KAT8: variants seen among roughly 807,000 people sequenced by gnomAD.
The protein encoded by KAT8 is lysine acetyltransferase 8, also known as histone acetyltransferase KAT8.
KAT8 carries 40 observed loss-of-function variants against 62.9 expected under a neutral mutation model. That is an observed-to-expected ratio of 0.64 (90% CI 0.49 to 0.83). The LOEUF (loss-of-function observed/expected upper bound fraction) is 0.83. Among genes scored for constraint, KAT8 ranks in the 40% least tolerant of loss-of-function variants. The pLI, the probability that KAT8 is intolerant of heterozygous loss-of-function variation, is 0.00. For synonymous variants in KAT8, 278 were observed against 254.5 expected, an observed-to-expected ratio of 1.09 and a Z score of -0.88; for missense variants, 387 against 614.8, an observed-to-expected ratio of 0.63 and a Z score of 3.92.
At position 31,128,135 on chromosome 16, in the gene KAT8, A is replaced by C. The variant is rs1302040869; in HGVS notation, c.767A>C (p.His256Pro). Residue 256 changes from histidine to proline, a missense_variant, in exon 6 of 11, where the codon CAT (histidine) becomes CCT (proline). Physicochemically the swap from His to Pro is moderately conservative, Grantham distance 77. Transcript: ENST00000219797. The stretch of plus-strand genomic sequence containing the variant: ...GTGTACGAAGTTGATGGCAAAGACC[A>C]TAAGGTGAGTGGGTGGCCAGGGGTT... Reference protein sequence around the residue: ...ISVYEVDGKDHKIYCQNLCLL... With the variant: ...ISVYEVDGKDPKIYCQNLCLL... The C allele has an allele frequency of 6.2e-7, 1 of 1,613,594 alleles. No individual in the cohort carries two copies. Among genetic ancestry groups the C allele is most frequent in the Non-Finnish European group, 8.5e-7 (1 of 1,179,642 alleles).
At chr16:31,117,942 G>A in intron 1 of KAT8, 50 bp downstream of exon 1, 1 of 1,248,666 alleles carries the variant, frequency 8.0e-7, no homozygotes, top group Non-Finnish European at 1.0e-6. Context: ...AGGGCCAGGG[G>A]GTGGGGCGGG....
Position 31,128,115 on chromosome 16 carries a change from C to G in KAT8, c.747C>G (p.Tyr249Ter), listed in dbSNP as rs1474951662. The change falls in exon 6 of 11, where the codon TAC becomes TAG. Residue 249 changes from tyrosine to a stop codon, truncating the protein, a stop_gained. Transcript: ENST00000219797. LOFTEE classifies it high-confidence loss of function. The part of the protein sequence containing the change: ...EIYRKSNISV[Y>*]EVDGKDHKIY... ...ACCGCAAGAGCAACATCTCCGTGTA[C>G]GAAGTTGATGGCAAAGACCATAAGG... The G allele has an allele frequency of 6.2e-7, 1 of 1,613,958 alleles. No individual in the cohort carries two copies. The highest frequency in any genetic ancestry group is 8.5e-7 in the Non-Finnish European group (1 of 1,179,946).
intron 1 of KAT8, 109 bp from the exon 2 acceptor site, chr16:31,120,077 G>GAGGTT: frequency 1.2e-6 from 1 of 833,158 alleles, no homozygotes; most frequent in Non-Finnish European, 2.1e-6. Context: ...GTGGACCAGT[G>GAGGTT]AGGTTAGCTG....
intron 3 of KAT8, chr16:31,123,534 TCTCA>T (rs1327756213): frequency 1.3e-5 from 2 of 151,428 alleles, no homozygotes; most frequent in East Asian, 3.9e-4. Flanking sequence ...TGAGACAGAG[TCTCA>T]CTCTGTCACC....
intron 3 of KAT8, among the ~76,000 whole-genome samples, chr16:31,124,756 A>G (rs1352680449): frequency 1.6e-5 from 2 of 121,278 alleles, no homozygotes; most frequent in African/African-American, 6.1e-5. Flanking sequence ...AAAAAAGGCT[A>G]TGGCTCATGC....
In KAT8 at chr16:31,127,267, G is replaced by A. The variant is rs750989107; in HGVS notation, c.595G>A (p.Glu199Lys). The change falls in exon 5 of 11, where the codon GAA becomes AAA. Residue 199 changes from glutamate (E) to lysine (K), a missense_variant. This residue lies in a region of KAT8 where 141 missense variants were observed against 222.5 expected (regional missense o/e 0.63). Coordinates refer to ENST00000219797, the MANE Select transcript of KAT8 (RefSeq NM_032188.3). ...TGCCTGGTATTTCTCACCATTCCCCGAAGACTATGGGAAACAGCCCAAGCT... is the reference window on the plus strand; with the variant it reads ...TGCCTGGTATTTCTCACCATTCCCCAAAGACTATGGGAAACAGCCCAAGCT... ...IDAWYFSPFP[E>K]DYGKQPKLWL... The A allele has an allele frequency of 5.0e-6, 8 of 1,614,052 alleles. No individual in the cohort carries two copies. Among genetic ancestry groups the A allele is most frequent in the Admixed American group, 1.7e-5 (1 of 60,004 alleles).
At chr16:31,129,886 C>A in intron 6 of KAT8, 131 bp from the exon 7 acceptor site, 1 of 989,262 alleles carries the variant, frequency 1.0e-6, no homozygotes, top group Middle Eastern at 3.1e-4. Flanking sequence ...TGACCGAAGA[C>A]TCCTTCCAGT....
Position 31,127,206 on chromosome 16 carries a change from T to C in KAT8, c.534T>C (p.Tyr178=). Residue 178 remains tyrosine, a synonymous_variant, in exon 5 of 11, where the codon TAT becomes TAC. Coordinates refer to ENST00000219797, the MANE Select transcript of KAT8 (RefSeq NM_032188.3). ...KEHEAITKVK[Y]VDKIHIGNYE... The stretch of plus-strand genomic sequence containing the variant: ...GCCTGCAGATCACCAAGGTGAAGTA[T>C]GTGGACAAGATCCACATCGGGAACT... 6.2e-7 allele frequency: 1 copy of C among 1,614,256 alleles called. No homozygotes were observed. The highest frequency in any genetic ancestry group is 2.2e-5 in the East Asian group (1 of 44,892).
At chr16:31,129,829 C>T (rs1049079666) in intron 6 of KAT8, among the ~76,000 whole-genome samples, 188 bp from the exon 7 acceptor site, 6 of 152,344 alleles carry the variant, frequency 3.9e-5, no homozygotes, top group South Asian at 2.1e-4. Flanking sequence ...CTGGCACCTC[C>T]GAAGTGCTGT....
intron 3 of KAT8, chr16:31,124,112 T>A (rs1287713314): frequency 6.6e-6 from 1 of 152,250 alleles, no homozygotes; most frequent in Non-Finnish European, 1.5e-5. Context: ...AGTACTGTAT[T>A]TTGTGAGAAT....
chr16:31,126,744 C>T (rs1298107070), intron 3 of KAT8: 8 of 411,710 alleles, frequency 1.9e-5, no homozygotes, highest in Non-Finnish European at 3.1e-5. Context: ...GATTGCCCCC[C>T]ATCGTGCAGC....
intron 6 of KAT8, 52 bp from the exon 7 acceptor site, chr16:31,129,965 G>T (rs1381382479): frequency 1.4e-5 from 23 of 1,600,346 alleles, no homozygotes; most frequent in Middle Eastern, 1.8e-4. Context: ...GAACCAGCTG[G>T]GTGGGGCCTG....
intron 1 of KAT8, chr16:31,118,187 T>G: frequency 3.1e-6 from 1 of 325,002 alleles, no homozygotes; most frequent in Non-Finnish European, 5.6e-6. Flanking sequence ...TTCCTTTTTC[T>G]TGCTAACGCT....
chr16:31,120,588 C>A, intron 3 of KAT8, 74 bp downstream of exon 3: 1 of 1,418,388 alleles, frequency 7.1e-7, no homozygotes, highest in South Asian at 1.3e-5. Flanking sequence ...TCTCGGGCCC[C>A]AGTGCCAAAA....
intron 6 of KAT8, among the ~76,000 whole-genome samples, 190 bp from the exon 7 acceptor site, chr16:31,129,827 T>G (rs1285534577): frequency 6.6e-6 from 1 of 152,236 alleles, no homozygotes; most frequent in East Asian, 1.9e-4. Context: ...CACTGGCACC[T>G]CCGAAGTGCT....
chr16:31,129,937 G>A, intron 6 of KAT8, 80 bp from the exon 7 acceptor site: 1 of 1,525,728 alleles, frequency 6.6e-7, no homozygotes, highest in Non-Finnish European at 9.0e-7. Context: ...ACTTCGCGTG[G>A]GCTGGTGCCG....
chr16:31,120,794 T>G, intron 3 of KAT8: 1 of 373,692 alleles, frequency 2.7e-6, no homozygotes. Context: ...CTAGTAGCTG[T>G]GTCTTAGTAG....
At chr16:31,128,172 G>T (rs775778265) in intron 6 of KAT8, 33 bp downstream of exon 6, 1 of 1,530,486 alleles carries the variant, frequency 6.5e-7, no homozygotes, top group South Asian at 1.1e-5. Context: ...GGAGAGGCCG[G>T]GGAGGCCCTG....
chr16:31,131,032 G>C lies in KAT8; in HGVS notation c.1312+132G>C. The C allele has an allele frequency of 2.0e-6, 3 of 1,505,888 alleles. No individual in the cohort carries two copies. The South Asian group carries it at 3.9e-5, about 19-fold the overall frequency. The allele number at this position is 1,505,888 out of a possible 1,614,324, so 93.3% of individuals were successfully genotyped here. A position where few individuals can be genotyped will look rare whatever the true frequency, so the allele number is the denominator to read the frequency against. On this transcript the variant is annotated intron_variant, in intron 10 of 10. Coordinates refer to ENST00000219797, the MANE Select transcript of KAT8 (RefSeq NM_032188.3). ...GACCAGCTCCCAGGATGGAGCCCGG[G>C]GCAGGCCTCTCATTCCTGGGCTTCC...
Sources: allele counts gnomAD v4.1 joint callset (sites outside exome capture counted in the v4.1 genomes callset), GRCh38; gene constraint gnomAD v4.1.1; regional missense constraint gnomAD v4.1.1; transcripts MANE v1.5; gene names NCBI Gene and HGNC (gene_info 2026-07-23, HGNC 2026-07-21).